The following PLAT variants were observed in gnomAD, a reference collection of about 807,000 sequenced individuals.
PLAT encodes the protein plasminogen activator, tissue type.
A neutral mutation model predicts 74.9 loss-of-function variants in PLAT; 48 were observed. The observed-to-expected ratio is 0.64, with a 90% CI of 0.51 to 0.82. The LOEUF (loss-of-function observed/expected upper bound fraction) is 0.82, where lower values mean the gene tolerates loss of function less well. Among genes scored for constraint, PLAT ranks in the 40% least tolerant of loss-of-function variants. The pLI is 0.00. For missense variants in PLAT, 673 were observed against 736.2 expected (o/e 0.91, Z 0.99); for synonymous variants, 307 against 294.4 (o/e 1.04, Z -0.44).
intron 6 of PLAT, 22 bp downstream of exon 6, chr8:42,187,376 C>T (rs767701588): frequency 5.8e-6 from 9 of 1,545,870 alleles, no homozygotes; most frequent in Non-Finnish European, 7.9e-6. Context: ...GGGGGAATCC[C>T]TCCTTGGGGA....
intron 1 of PLAT, among the ~76,000 whole-genome samples, chr8:42,195,239 G>T (rs886669327): frequency 1.3e-5 from 2 of 152,076 alleles, no homozygotes; most frequent in Admixed American, 6.5e-5. Context: ...CCCGTGGGAG[G>T]TGCTGATCAC....
chr8:42,182,084 A>T (rs1300922775), intron 8 of PLAT, 62 bp from the exon 9 acceptor site: 21 of 1,065,666 alleles, frequency 2.0e-5, no homozygotes, highest in Non-Finnish European at 2.9e-5. Flanking sequence ...TTTTGTAGAG[A>T]TGGGGTCTTG....
In PLAT at chr8:42,175,931, A is replaced by G. The variant is rs540566023; in HGVS notation, c.*62T>C. ...CTGTAGAGAAGCACTGCGCCTTTGC[A>G]GTGTCTTCTGAAGAAGAAGAGGCGG... is the stretch of plus-strand genomic sequence containing the variant. On this transcript the variant is annotated 3_prime_UTR_variant, in exon 14 of 14. Transcript: ENST00000220809. The G allele has an allele frequency of 4.4e-5, 67 of 1,536,152 alleles. No individual in the cohort carries two copies. The African/African-American group carries it at 7.6e-4, about 17-fold the overall frequency.
At chr8:42,200,631 C>T (rs1806091455) in intron 1 of PLAT, among the ~76,000 whole-genome samples, 2 of 139,392 alleles carry the variant, frequency 1.4e-5, no homozygotes, top group Non-Finnish European at 3.0e-5. Flanking sequence ...GAGCTGTGAT[C>T]ATACCACTGC....
chr8:42,188,202 C>A, intron 4 of PLAT, 186 bp from the exon 5 acceptor site: 1 of 528,030 alleles, frequency 1.9e-6, no homozygotes, highest in South Asian at 2.8e-5. Flanking sequence ...AAAATCCATA[C>A]ATAAGTGGAC....
chr8:42,203,986 T>TACACACACAC (rs1395910660), intron 1 of PLAT, among the ~76,000 whole-genome samples: 8 of 120,050 alleles, frequency 6.7e-5, no homozygotes, highest in African/African-American at 4.5e-4. Flanking sequence ...TATATATATA[T>TACACACACAC]ATATATACAC....
At chr8:42,203,383 C>T (rs992301429) in intron 1 of PLAT, among the ~76,000 whole-genome samples, 6 of 152,216 alleles carry the variant, frequency 3.9e-5, no homozygotes, top group Non-Finnish European at 1.5e-5. Flanking sequence ...GTGCAATTCA[C>T]AGCCGGGCAG....
At chr8:42,186,234 C>T (rs1292766267) in intron 6 of PLAT, 3 of 150,820 alleles carry the variant, frequency 2.0e-5, no homozygotes, top group South Asian at 2.1e-4. Flanking sequence ...GTTCTGTTGA[C>T]TTTCACCTTG....
intron 9 of PLAT, chr8:42,180,887 A>G (rs1805214646): frequency 3.8e-6 from 2 of 526,914 alleles, no homozygotes; most frequent in Non-Finnish European, 3.3e-6. Context: ...CAAGGTTGCA[A>G]TGGCACCTGG....
chr8:42,187,474 C>T lies in PLAT; in HGVS notation c.463G>A (p.Ala155Thr), dbSNP rs778150215. 5.0e-5 allele frequency: 81 copies of T among 1,609,118 alleles called. No homozygotes were observed. Among genetic ancestry groups the T allele is most frequent in the Middle Eastern group, 1.7e-4 (1 of 6,054 alleles). Residue 155 changes from alanine to threonine, a missense_variant, in exon 6 of 14, where the codon GCG becomes ACG. By Grantham distance (58) the Ala-to-Thr change is moderately conservative. Coordinates refer to ENST00000220809, the MANE Select transcript of PLAT (RefSeq NM_000930.5). ...CCGCTGTAGGGCTTCTGGGCCAACG[C>T]GCTGCTGTTCCAGTTGGTGCACTCG... is the stretch of plus-strand genomic sequence containing the variant. The part of the protein sequence containing the change: ...GAECTNWNSS[A>T]LAQKPYSGRR...
At chr8:42,201,060 C>A (rs1203710542) in intron 1 of PLAT, among the ~76,000 whole-genome samples, 1 of 152,208 alleles carries the variant, frequency 6.6e-6, no homozygotes, top group Non-Finnish European at 1.5e-5. Context: ...GAACTCCCAA[C>A]CTCAGGTGAT....
chr8:42,203,929 C>T (rs1806228632), intron 1 of PLAT, among the ~76,000 whole-genome samples: 1 of 149,638 alleles, frequency 6.7e-6, no homozygotes, highest in Non-Finnish European at 1.5e-5. Flanking sequence ...CACACTGCTG[C>T]ACTCCAGCCT....
chr8:42,202,622 TGG>T (rs200656691), intron 1 of PLAT, among the ~76,000 whole-genome samples: 5,341 of 152,066 alleles, frequency 0.035, 331 homozygotes, highest in African/African-American at 0.12. Context: ...AGCCGTGCCC[TGG>T]CACAGGCTCT....
In PLAT at chr8:42,174,873, T is replaced by C. The variant is rs755119745; in HGVS notation, c.*1120A>G. On this transcript the variant is annotated 3_prime_UTR_variant, in exon 14 of 14. Transcript: ENST00000220809. ...GGCCCTCTACATATTCATACCTCCATGGAGAGTGCCTTTTCCACACCTGTC... is the reference window on the plus strand; with the variant it reads ...GGCCCTCTACATATTCATACCTCCACGGAGAGTGCCTTTTCCACACCTGTC... Among the ~76,000 whole-genome samples the C allele has an allele frequency of 2.0e-5, 3 of 152,214 alleles. No individual in the cohort carries two copies. The highest frequency in any genetic ancestry group is 2.9e-5 in the Non-Finnish European group (2 of 68,034).
At chr8:42,198,612 T>C (rs1264605409) in intron 1 of PLAT, among the ~76,000 whole-genome samples, 1 of 152,230 alleles carries the variant, frequency 6.6e-6, no homozygotes, top group African/African-American at 2.4e-5. Flanking sequence ...TCTGTACTCT[T>C]GCCAGCAAGA....
In PLAT at chr8:42,174,720, G is replaced by C. The variant is rs963743581; in HGVS notation, c.*1273C>G. On this transcript the variant is annotated 3_prime_UTR_variant, in exon 14 of 14. Transcript: ENST00000220809. ...TCTCCATGGCTCCTCGTTGCCTACA[G>C]AAGTCAATTAAGTCCAAACTCAGTT... 1.3e-5 allele frequency among the ~76,000 whole-genome samples: 2 copies of C among 152,090 alleles called. No homozygotes were observed. Among genetic ancestry groups the C allele is most frequent in the African/African-American group, 4.8e-5 (2 of 41,404 alleles).
chr8:42,207,140 CT>C (rs1806372380), intron 1 of PLAT, among the ~76,000 whole-genome samples: 2 of 152,192 alleles, frequency 1.3e-5, no homozygotes, highest in African/African-American at 4.8e-5. Context: ...GCCGATTTTG[CT>C]TTTATTGCTT....
At chr8:42,199,050 G>C (rs1158174435) in intron 1 of PLAT, among the ~76,000 whole-genome samples, 4 of 152,224 alleles carry the variant, frequency 2.6e-5, no homozygotes, top group African/African-American at 9.6e-5. Flanking sequence ...GCAACCCTTT[G>C]TTCGGGACAG....
chr8:42,178,813 C>T, intron 13 of PLAT, 84 bp downstream of exon 13: 1 of 1,357,800 alleles, frequency 7.4e-7, no homozygotes, highest in Non-Finnish European at 1.0e-6. Flanking sequence ...CTGGTGATAA[C>T]TTTTTTCTTT....
Sources: allele counts gnomAD v4.1 joint callset (sites outside exome capture counted in the v4.1 genomes callset), GRCh38; gene constraint gnomAD v4.1.1; transcripts MANE v1.5; gene names NCBI Gene and HGNC (gene_info 2026-07-23, HGNC 2026-07-21).